The following ARHGAP17 variants were observed in gnomAD, a reference collection of about 807,000 sequenced individuals.
The protein encoded by ARHGAP17 is Rho GTPase activating protein 17, also known as rho GTPase-activating protein 17.
Under a neutral mutation model 99.5 loss-of-function variants are expected in ARHGAP17, and 57 were observed. The ratio of observed to expected loss-of-function variants is 0.57; its 90% CI spans 0.46 to 0.71. The LOEUF (loss-of-function observed/expected upper bound fraction) is 0.71, where lower values mean the gene tolerates loss of function less well. ARHGAP17 is among the 30% of genes least tolerant of loss of function. ARHGAP17 has a pLI of 0.00. For synonymous variants in ARHGAP17, 417 were observed against 429.6 expected (o/e 0.97, Z 0.36); for missense variants, 1,000 against 1,122.4 (o/e 0.89, Z 1.56).
chr16:24,945,813 A>G (rs539925249), intron 14 of ARHGAP17, among the ~76,000 whole-genome samples: 1 of 152,052 alleles, frequency 6.6e-6, no homozygotes, highest in Admixed American at 6.6e-5. Flanking sequence ...CTTTTAGGAG[A>G]GTACTGGAAA....
chr16:24,968,316 G>A (rs1567237721), intron 6 of ARHGAP17, 35 bp downstream of exon 6: 4 of 1,607,248 alleles, frequency 2.5e-6, no homozygotes, highest in Non-Finnish European at 3.4e-6. Context: ...GGTGGGAATG[G>A]GACACAATGC....
intron 16 of ARHGAP17, 80 bp from the exon 17 acceptor site, chr16:24,939,677 A>C: frequency 7.0e-7 from 1 of 1,424,396 alleles, no homozygotes; most frequent in Non-Finnish European, 9.7e-7. Flanking sequence ...CATGTGTTAA[A>C]ACCACACATG....
intron 14 of ARHGAP17, among the ~76,000 whole-genome samples, chr16:24,946,019 G>A (rs2051460638): frequency 6.6e-6 from 1 of 152,064 alleles, no homozygotes; most frequent in Non-Finnish European, 1.5e-5. Flanking sequence ...TCTCCTTTAT[G>A]TCCTCTATTC....
intron 9 of ARHGAP17, among the ~76,000 whole-genome samples, chr16:24,958,782 G>A (rs2051889652): frequency 6.6e-6 from 1 of 152,114 alleles, no homozygotes; most frequent in South Asian, 2.1e-4. Context: ...CACATGCTCG[G>A]TCTCAAAATC....
At chr16:24,932,978 TATCTC>T (rs2051036856) in intron 18 of ARHGAP17, among the ~76,000 whole-genome samples, 1 of 152,184 alleles carries the variant, frequency 6.6e-6, no homozygotes, top group Admixed American at 6.5e-5. Flanking sequence ...TTATATAAAT[TATCTC>T]ATTCAAGTTT....
At chr16:24,966,981 T>C in intron 6 of ARHGAP17, among the ~76,000 whole-genome samples, 1 of 152,238 alleles carries the variant, frequency 6.6e-6, no homozygotes, top group East Asian at 1.9e-4. Flanking sequence ...GGCCTATGCA[T>C]TTAGAGTCTA....
Position 24,931,263 on chromosome 16 carries a change from G to A in ARHGAP17, c.2036C>T (p.Thr679Ile). 6.5e-7 allele frequency: 1 copy of A among 1,537,446 alleles called. No homozygotes were observed. The highest frequency in any genetic ancestry group is 8.8e-7 in the Non-Finnish European group (1 of 1,142,182). ...GCCTGGAGGCTGGCCCGTGTGCTGG[G>A]TGGGAGGAGAGGGGCTTCGGGTGGG... ...KPPTRSPSPP[T>I]QHTGQPPGQP... The change falls in exon 19 of 20, where the codon ACC becomes ATC. Residue 679 changes from threonine (T) to isoleucine (I), a missense_variant. By Grantham distance (89) the Thr-to-Ile change is moderately conservative. This residue lies in a region of ARHGAP17 where 528 missense variants were observed against 511.4 expected (regional missense o/e 1.03). Coordinates refer to ENST00000289968, the MANE Select transcript of ARHGAP17 (RefSeq NM_001006634.3).
chr16:24,977,902 T>C (rs1017241904), intron 2 of ARHGAP17, among the ~76,000 whole-genome samples: 4 of 152,202 alleles, frequency 2.6e-5, no homozygotes, highest in African/African-American at 9.6e-5. Flanking sequence ...TCATGAAGAA[T>C]GAGAGCAGGC....
intron 3 of ARHGAP17, among the ~76,000 whole-genome samples, chr16:24,976,529 GAAAGA>G (rs2052521689): frequency 6.6e-6 from 1 of 151,592 alleles, no homozygotes; most frequent in African/African-American, 2.4e-5. Flanking sequence ...ACCCTGTCAG[GAAAGA>G]AAAGAAAAGA....
At position 24,978,947 on chromosome 16, in the gene ARHGAP17, G is replaced by A. The variant is rs765626902; in HGVS notation, c.93+19C>T. 5.1e-6 allele frequency: 8 copies of A among 1,570,506 alleles called. No homozygotes were observed. Among genetic ancestry groups the A allele is most frequent in the Non-Finnish European group, 6.9e-6 (8 of 1,160,686 alleles). On this transcript the variant is annotated intron_variant, in intron 2 of 19. Coordinates refer to ENST00000289968, the MANE Select transcript of ARHGAP17 (RefSeq NM_001006634.3). Reference sequence around the variant, plus strand: ...CCATCCTTTAAACAGATCATTTAAAGGAGACTATATTTTGTTACCTGTAAT... The same window carrying A: ...CCATCCTTTAAACAGATCATTTAAAAGAGACTATATTTTGTTACCTGTAAT...
In ARHGAP17 at chr16:25,015,351, G is replaced by A. The variant is rs1597510340; in HGVS notation, c.-90C>T. 6.0e-6 allele frequency: 7 copies of A among 1,161,294 alleles called. No individual in the cohort carries two copies. The highest frequency in any genetic ancestry group is 7.5e-6 in the Non-Finnish European group (7 of 927,786). The allele number at this position is 1,161,294 out of a possible 1,614,324, so 71.9% of individuals were successfully genotyped here. On this transcript the variant is annotated 5_prime_UTR_variant, in exon 1 of 20. Transcript: ENST00000289968. ...TACTACATCGCTTCCCGGCCCAAAC[G>A]GCGGCGCGGCGGTGGCTCCCCGGGC...
intron 18 of ARHGAP17, among the ~76,000 whole-genome samples, chr16:24,933,024 T>C (rs1254379761): frequency 6.6e-6 from 1 of 152,176 alleles, no homozygotes; most frequent in Non-Finnish European, 1.5e-5. Context: ...AGCTCTGTTA[T>C]CCCCATTTTC....
Position 24,930,803 on chromosome 16 carries a change from T to C in ARHGAP17, c.2496A>G (p.Thr832=), listed in dbSNP as rs2050960942. The change falls in exon 19 of 20, where the codon ACA becomes ACG. Residue 832 remains threonine, a synonymous_variant. Transcript: ENST00000289968. The part of the protein sequence containing the change: ...GDSSLTNTAP[T]ASKIVTDSNS... ...ACTTACCTGTTACTATCTTGGAAGC[T>C]GTTGGTGCTGTGTTGGTGAGGCTGC... 4 of 1,614,096 alleles carry C rather than the reference T, an allele frequency of 2.5e-6. No homozygotes were observed. The highest frequency in any genetic ancestry group is 1.6e-4 in the Middle Eastern group (1 of 6,062).
At chr16:24,981,722 G>GT (rs984567434) in intron 1 of ARHGAP17, among the ~76,000 whole-genome samples, 20 of 152,248 alleles carry the variant, frequency 1.3e-4, no homozygotes, top group Non-Finnish European at 2.5e-4. Context: ...CAGTTTTGAG[G>GT]TTTTTTAAAA....
At chr16:24,965,198 C>A (rs371620682) in intron 6 of ARHGAP17, among the ~76,000 whole-genome samples, 1 of 152,128 alleles carries the variant, frequency 6.6e-6, no homozygotes, top group East Asian at 1.9e-4. Context: ...TGGCCGGGTG[C>A]GTTGGCTCAC....
intron 11 of ARHGAP17, 61 bp from the exon 12 acceptor site, chr16:24,952,431 A>G: frequency 1.5e-6 from 2 of 1,364,820 alleles, no homozygotes; most frequent in Non-Finnish European, 2.1e-6. Context: ...ATCTTGGGAC[A>G]TATTATTTTG....
At position 24,930,907 on chromosome 16, in the gene ARHGAP17, T is replaced by C. The variant is rs1254274380; in HGVS notation, c.2392A>G (p.Arg798Gly). The C allele has an allele frequency of 6.2e-7, 1 of 1,613,896 alleles. No individual in the cohort carries two copies. Among genetic ancestry groups the C allele is most frequent in the Admixed American group, 1.7e-5 (1 of 59,978 alleles). The change falls in exon 19 of 20, where the codon AGA becomes GGA. Residue 798 changes from arginine to glycine, a missense_variant. Coordinates refer to ENST00000289968, the MANE Select transcript of ARHGAP17 (RefSeq NM_001006634.3). ...CGGTTCCTTGGCTTTGGTACTGGTC[T>C]CGGTCTCGGTAAGGTTCCAGCATGT... ...QPHAGTLPRPRPVPKPRNRPS... is the reference protein window; with the variant it reads ...QPHAGTLPRPGPVPKPRNRPS...
intron 1 of ARHGAP17, among the ~76,000 whole-genome samples, chr16:24,995,418 G>C (rs1400677166): frequency 1.3e-5 from 2 of 152,228 alleles, no homozygotes; most frequent in Non-Finnish European, 2.9e-5. Context: ...AGGCTGGATA[G>C]TACAAGAGCA....
At chr16:24,944,314 A>C (rs972974115) in intron 14 of ARHGAP17, among the ~76,000 whole-genome samples, 2 of 151,810 alleles carry the variant, frequency 1.3e-5, no homozygotes, top group Non-Finnish European at 2.9e-5. Flanking sequence ...CTGGTCTATG[A>C]ATGTGGCCGT....
Sources: allele counts gnomAD v4.1 joint callset (sites outside exome capture counted in the v4.1 genomes callset), GRCh38; gene constraint gnomAD v4.1.1; regional missense constraint gnomAD v4.1.1; transcripts MANE v1.5; gene names NCBI Gene and HGNC (gene_info 2026-07-23, HGNC 2026-07-21).